DLGAP1: variants seen among roughly 807,000 people sequenced by gnomAD.
The protein encoded by DLGAP1 is DLG associated protein 1.
Under a neutral mutation model 90.8 loss-of-function variants are expected in DLGAP1, and 11 were observed. That is an observed-to-expected ratio of 0.12 (90% CI 0.08 to 0.20). The LOEUF (loss-of-function observed/expected upper bound fraction) is 0.20, where lower values mean the gene tolerates loss of function less well. Ranked by LOEUF, DLGAP1 falls within the 10% of genes least tolerant of loss-of-function variation. DLGAP1 has a pLI of 1.00. For missense variants in DLGAP1, 1,050 were observed against 1,333.8 expected, an observed-to-expected ratio of 0.79 and a Z score of 3.31; for synonymous variants, 558 against 540.7, an observed-to-expected ratio of 1.03 and a Z score of -0.44.
chr18:4,328,411 T>C (rs1178318963), intron 1 of DLGAP1, among the ~76,000 whole-genome samples: 1 of 152,058 alleles, frequency 6.6e-6, no homozygotes, highest in Non-Finnish European at 1.5e-5. Flanking sequence ...AGTGTTCCAT[T>C]GTATCTGTAT....
At chr18:3,717,561 A>C (rs2061807465) in intron 7 of DLGAP1, among the ~76,000 whole-genome samples, 1 of 152,188 alleles carries the variant, frequency 6.6e-6, no homozygotes, top group African/African-American at 2.4e-5. Context: ...TTTGTTCCTC[A>C]AAGTGGTTTG....
At chr18:4,350,356 A>G (rs886803035) in intron 1 of DLGAP1, among the ~76,000 whole-genome samples, 3 of 152,180 alleles carry the variant, frequency 2.0e-5, no homozygotes, top group Non-Finnish European at 2.9e-5. Context: ...GAAAAAAACA[A>G]ATTTTAAATG....
chr18:3,769,732 A>G (rs1211333865), intron 5 of DLGAP1, among the ~76,000 whole-genome samples: 2 of 152,084 alleles, frequency 1.3e-5, no homozygotes, highest in South Asian at 2.1e-4. Flanking sequence ...GTGTGGCTAT[A>G]AAAGGGCAAC....
rs1030628567 is a variant in DLGAP1, at chr18:4,282,189, T to C, written c.-266-130902A>G. On this transcript the variant is annotated intron_variant, in intron 1 of 12. Coordinates refer to ENST00000315677, the MANE Select transcript of DLGAP1 (RefSeq NM_004746.4). Reference sequence around the variant, plus strand: ...ATCATCCTGGCTAACACGGTGAAACTCCGTCTCTACTAAAAATACAAAAAA... The same window carrying C: ...ATCATCCTGGCTAACACGGTGAAACCCCGTCTCTACTAAAAATACAAAAAA... Among the ~76,000 whole-genome samples the C allele has an allele frequency of 4.0e-5, 6 of 151,810 alleles. 1 individual carries two copies. In the South Asian group the frequency reaches 1.2e-3, roughly 32 times the overall value.
intron 3 of DLGAP1, among the ~76,000 whole-genome samples, chr18:3,955,822 T>C (rs926354851): frequency 1.3e-5 from 2 of 151,906 alleles, no homozygotes; most frequent in Admixed American, 6.6e-5. Context: ...CTAGGTAACA[T>C]TAATGCTAGA....
At chr18:3,543,986 AAAAC>A (rs142786745) in intron 9 of DLGAP1, among the ~76,000 whole-genome samples, 3 of 151,492 alleles carry the variant, frequency 2.0e-5, no homozygotes, top group East Asian at 1.9e-4. Context: ...TCCTCTTTAG[AAAAC>A]AAACAAACAA....
chr18:3,564,672 G>C (rs1281946781), intron 9 of DLGAP1, among the ~76,000 whole-genome samples: 1 of 152,100 alleles, frequency 6.6e-6, no homozygotes, highest in African/African-American at 2.4e-5. Context: ...TTTCCTTGGA[G>C]CTTTTAACTC....
At chr18:3,640,706 G>A (rs77415529) in intron 7 of DLGAP1, among the ~76,000 whole-genome samples, 3,937 of 152,308 alleles carry the variant, frequency 0.026, 185 homozygotes, top group African/African-American at 0.09. Flanking sequence ...TGCCAAAAGC[G>A]GAGCAACCCG....
intron 9 of DLGAP1, among the ~76,000 whole-genome samples, chr18:3,560,026 C>T (rs542664489): frequency 6.6e-6 from 1 of 152,182 alleles, no homozygotes; most frequent in South Asian, 2.1e-4. Context: ...ATCATTGCTG[C>T]CATTCATTTC....
At chr18:4,016,257 A>G (rs1162762631) in intron 2 of DLGAP1, among the ~76,000 whole-genome samples, 3 of 152,274 alleles carry the variant, frequency 2.0e-5, no homozygotes, top group African/African-American at 7.2e-5. Context: ...CATTTTTAAT[A>G]TAAATAAATT....
At chr18:4,137,475 C>T (rs1442129409) in intron 2 of DLGAP1, among the ~76,000 whole-genome samples, 1 of 152,058 alleles carries the variant, frequency 6.6e-6, no homozygotes, top group Non-Finnish European at 1.5e-5. Context: ...CCATTCTGTT[C>T]CATTGGTCTA....
At chr18:4,404,670 T>C (rs911029664) in intron 1 of DLGAP1, among the ~76,000 whole-genome samples, 1 of 152,234 alleles carries the variant, frequency 6.6e-6, no homozygotes, top group Non-Finnish European at 1.5e-5. Flanking sequence ...TCTGTATTTC[T>C]TTTCAAAGTC....
intron 2 of DLGAP1, among the ~76,000 whole-genome samples, chr18:4,058,229 C>T (rs76750058): frequency 3.9e-5 from 6 of 152,176 alleles, no homozygotes; most frequent in Non-Finnish European, 7.4e-5. Context: ...ACATTGGGAA[C>T]AAATCTGTCT....
intron 1 of DLGAP1, among the ~76,000 whole-genome samples, chr18:4,331,487 T>C (rs925971669): frequency 2.6e-5 from 4 of 151,784 alleles, no homozygotes; most frequent in African/African-American, 7.3e-5. Context: ...GCTCTTGACC[T>C]ACCTCCTAGC....
At chr18:4,200,435 T>C (rs2077586880) in intron 1 of DLGAP1, among the ~76,000 whole-genome samples, 1 of 151,774 alleles carries the variant, frequency 6.6e-6, no homozygotes, top group South Asian at 2.1e-4. Flanking sequence ...TTATTTATAA[T>C]ATTCTACCTT....
In DLGAP1 at chr18:4,057,271, G is replaced by T. The variant is rs558072167; in HGVS notation, c.-158-52070C>A. 8.5e-5 allele frequency among the ~76,000 whole-genome samples: 13 copies of T among 152,278 alleles called. 1 individual carries two copies. In the South Asian group the frequency reaches 2.5e-3, roughly 29 times the overall value. Reference sequence around the variant, plus strand: ...CTGGTGATCAGCAACTTCTCGATAAGATCTCAGGAGTTGAAGTACACCCAA... The same window carrying T: ...CTGGTGATCAGCAACTTCTCGATAATATCTCAGGAGTTGAAGTACACCCAA... On this transcript the variant is annotated intron_variant, in intron 2 of 12. Coordinates refer to ENST00000315677, the MANE Select transcript of DLGAP1 (RefSeq NM_004746.4).
intron 4 of DLGAP1, among the ~76,000 whole-genome samples, chr18:3,818,447 C>T (rs1359196884): frequency 1.4e-5 from 2 of 146,546 alleles, no homozygotes; most frequent in East Asian, 4.1e-4. Context: ...GCAACCTCCA[C>T]CTCCCAGGTT....
intron 2 of DLGAP1, among the ~76,000 whole-genome samples, chr18:4,150,742 C>T (rs1053484996): frequency 3.9e-5 from 6 of 152,210 alleles, no homozygotes; most frequent in African/African-American, 1.4e-4. Context: ...CCTTTCATTG[C>T]CTTTCTTAGC....
At chr18:3,796,268 T>C (rs1258975020) in intron 5 of DLGAP1, among the ~76,000 whole-genome samples, 1 of 152,198 alleles carries the variant, frequency 6.6e-6, no homozygotes, top group Non-Finnish European at 1.5e-5. Context: ...GGAACAACTC[T>C]TCTCTTCTCA....
Sources: allele counts gnomAD v4.1 joint callset (sites outside exome capture counted in the v4.1 genomes callset), GRCh38; gene constraint gnomAD v4.1.1; transcripts MANE v1.5; gene names NCBI Gene and HGNC (gene_info 2026-07-23, HGNC 2026-07-21).